NEFH: variants seen among roughly 807,000 people sequenced by gnomAD.
NEFH encodes neurofilament heavy polypeptide.
A neutral mutation model predicts 56.6 loss-of-function variants in NEFH; 58 were observed. The ratio of observed to expected loss-of-function variants is 1.03; its 90% CI spans 0.83 to 1.28. NEFH has a LOEUF of 1.28. Ranked by LOEUF, NEFH falls within the 50% of genes most tolerant of loss-of-function variation. The probability of loss-of-function intolerance (pLI) is 0.00; values close to 1 mark genes in which losing one functional copy is unlikely to be tolerated. For missense variants in NEFH, 1,221 were observed against 1,307.6 expected (o/e 0.93, Z 1.02); for synonymous variants, 542 against 545.8 (o/e 0.99, Z 0.10).
chr22:29,488,825 T>C (rs770018275), intron 3 of NEFH, 24 bp from the exon 4 acceptor site: 82 of 1,613,048 alleles, frequency 5.1e-5, no homozygotes, highest in East Asian at 1.6e-4. Flanking sequence ...TTTATACTAA[T>C]GTGTTCCGTG....
Position 29,480,951 on chromosome 22 carries a change from T to C in NEFH, c.689T>C (p.Leu230Pro), listed in dbSNP as rs1246436058. The stretch of plus-strand genomic sequence containing the variant: ...GCGCTGCAGGAGGAGTGCGGCTACC[T>C]GCGGCGCCACCACCAGGAAGAGGTG... Reference protein sequence around the residue: ...AQALQEECGYLRRHHQEEVGE... With the variant: ...AQALQEECGYPRRHHQEEVGE... Residue 230 changes from leucine (L) to proline (P), a missense_variant, in exon 1 of 4, where the codon CTG (leucine) becomes CCG (proline). Physicochemically the swap from Leu to Pro is moderately conservative, Grantham distance 98. Transcript: ENST00000310624. 3 of 1,529,854 alleles carry C rather than the reference T, an allele frequency of 2.0e-6. No individual in the cohort carries two copies. The highest frequency in any genetic ancestry group is 1.2e-5 in the South Asian group (1 of 83,710). 94.8% of individuals were successfully genotyped at this position (1,529,854 alleles called of 1,614,324 possible). A position where few individuals can be genotyped will look rare whatever the true frequency, so the allele number is the denominator to read the frequency against.
Position 29,481,007 on chromosome 22 carries a change from G to A in NEFH, c.745G>A (p.Gly249Ser), listed in dbSNP as rs60825978. Residue 249 changes from glycine (G) to serine (S), a missense_variant, in exon 1 of 4, where the codon GGC becomes AGC. By Grantham distance (56) the Gly-to-Ser change is moderately conservative. This residue lies in a region of NEFH where 640 missense variants were observed against 555.5 expected (regional missense o/e 1.15). Transcript: ENST00000310624. ...GCTGCTCGGCCAGATCCAGGGCTCC[G>A]GCGCCGCGCAGGCGCAGATGCAGGC... ...GELLGQIQGS[G>S]AAQAQMQAET... 10,390 of 1,531,684 alleles carry A rather than the reference G, an allele frequency of 6.8e-3. 124 individuals carry two copies. The highest frequency in any genetic ancestry group is 0.042 in the Middle Eastern group (205 of 4,936). 94.9% of individuals were successfully genotyped at this position (1,531,684 alleles called of 1,614,324 possible). A position where few individuals can be genotyped will look rare whatever the true frequency, so the allele number is the denominator to read the frequency against.
intron 2 of NEFH, among the ~76,000 whole-genome samples, chr22:29,484,648 T>C (rs1057510221): frequency 6.6e-6 from 1 of 152,034 alleles, no homozygotes; most frequent in Non-Finnish European, 1.5e-5. Flanking sequence ...AGCGAGACTC[T>C]GTCTCAAGAA....
Position 29,489,762 on chromosome 22 carries a change from G to T in NEFH, c.2122G>T (p.Ala708Ser), listed in dbSNP as rs749332478. ...GGAAGAAGCAAAGTCCCCTGAGAAGGCCAAGTCCCCAGTGAAGGAAGAAGC... is the reference window on the plus strand; with the variant it reads ...GGAAGAAGCAAAGTCCCCTGAGAAGTCCAAGTCCCCAGTGAAGGAAGAAGC... Reference protein sequence around the residue: ...VKEEAKSPEKAKSPVKEEAKS... With the variant: ...VKEEAKSPEKSKSPVKEEAKS... The change falls in exon 4 of 4, where the codon GCC becomes TCC. Residue 708 changes from alanine to serine, a missense_variant. This residue lies in a region of NEFH where 37 missense variants were observed against 106.4 expected (regional missense o/e 0.35). Coordinates refer to ENST00000310624, the MANE Select transcript of NEFH (RefSeq NM_021076.4). 6.2e-6 allele frequency: 10 copies of T among 1,611,642 alleles called. No individual in the cohort carries two copies. Among genetic ancestry groups the T allele is most frequent in the Non-Finnish European group, 8.5e-6 (10 of 1,179,390 alleles).
chr22:29,482,098 C>T (rs909230645), intron 1 of NEFH, among the ~76,000 whole-genome samples: 1 of 152,208 alleles, frequency 6.6e-6, no homozygotes, highest in African/African-American at 2.4e-5. Flanking sequence ...AGTTGAGAAT[C>T]TCCAACCACC....
Position 29,480,315 on chromosome 22 carries a change from T to G in NEFH, c.53T>G (p.Leu18Arg), listed in dbSNP as rs1477573055. Residue 18 changes from leucine (L) to arginine (R), a missense_variant, in exon 1 of 4, where the codon CTG becomes CGG. Around this residue, in one of 4 missense-constraint regions of NEFH, gnomAD observed 640 missense variants for 555.5 expected, o/e 1.15. Coordinates refer to ENST00000310624, the MANE Select transcript of NEFH (RefSeq NM_021076.4). ...DALLGAPFAP[L>R]HGGGSLHYAL... Reference sequence around the variant, plus strand: ...CTGCTGGGCGCCCCGTTCGCGCCGCTGCATGGCGGCGGCAGCCTCCACTAC... The same window carrying G: ...CTGCTGGGCGCCCCGTTCGCGCCGCGGCATGGCGGCGGCAGCCTCCACTAC... 1 of 1,508,038 alleles carries G rather than the reference T, an allele frequency of 6.6e-7. No individual in the cohort carries two copies. The highest frequency in any genetic ancestry group is 1.4e-5 in the African/African-American group (1 of 69,300). 93.4% of individuals were successfully genotyped at this position (1,508,038 alleles called of 1,614,324 possible).
Position 29,488,828 on chromosome 22 carries a change from G to A in NEFH, c.1209-21G>A, listed in dbSNP as rs201134753. ...ATTTGCCCTGAGTTTATACTAATGT[G>A]TTCCGTGATCCATCCTGCAGAAAAC... On this transcript the variant is annotated intron_variant, in intron 3 of 3. Transcript: ENST00000310624. 1.5e-4 allele frequency: 237 copies of A among 1,613,628 alleles called. No homozygotes were observed. The African/African-American group carries it at 2.8e-3, about 19-fold the overall frequency.
At chr22:29,488,811 T>G in intron 3 of NEFH, 38 bp from the exon 4 acceptor site, 1 of 1,606,286 alleles carries the variant, frequency 6.2e-7, no homozygotes, top group Non-Finnish European at 8.5e-7. Flanking sequence ...GAATTTGCCC[T>G]GAGTTTATAC....
At position 29,480,793 on chromosome 22, in the gene NEFH, C is replaced by T; in HGVS notation, c.531C>T (p.Asp177=). 1 of 1,418,510 alleles carries T rather than the reference C, an allele frequency of 7.0e-7. No individual in the cohort carries two copies. The highest frequency in any genetic ancestry group is 9.1e-7 in the Non-Finnish European group (1 of 1,097,176). 87.9% of individuals were successfully genotyped at this position (1,418,510 alleles called of 1,614,324 possible). Residue 177 remains aspartate (D), a synonymous_variant, in exon 1 of 4, where the codon GAC becomes GAT. Transcript: ENST00000310624. ...LRLEQEHLLE[D]IAHVRQRLDD... is the part of the protein sequence containing the mutation. Reference sequence around the variant, plus strand: ...TGGAGCAGGAGCACCTGCTCGAGGACATCGCGCACGTGCGCCAGCGCCTAG... The same window carrying T: ...TGGAGCAGGAGCACCTGCTCGAGGATATCGCGCACGTGCGCCAGCGCCTAG...
intron 3 of NEFH, among the ~76,000 whole-genome samples, chr22:29,486,986 G>A (rs2063048507): frequency 6.6e-6 from 1 of 152,158 alleles, no homozygotes; most frequent in Non-Finnish European, 1.5e-5. Context: ...TCTTAGCTCT[G>A]CAAGCATTCA....
At position 29,489,052 on chromosome 22, in the gene NEFH, C is replaced by T. The variant is rs1439315825; in HGVS notation, c.1412C>T (p.Thr471Ile). The change falls in exon 4 of 4, where the codon ACT becomes ATT. Residue 471 changes from threonine (T) to isoleucine (I), a missense_variant. Physicochemically the swap from Thr to Ile is moderately conservative, Grantham distance 89 (BLOSUM62 -1). Coordinates refer to ENST00000310624, the MANE Select transcript of NEFH (RefSeq NM_021076.4). ...GAGACCCAAGTGACTGAAGAAGTGA[C>T]TGAAGAAGAGGAGAAAGAGGCCAAA... ...TEETQVTEEV[T>I]EEEEKEAKEE... 1.9e-6 allele frequency: 3 copies of T among 1,613,656 alleles called. No individual in the cohort carries two copies. Among genetic ancestry groups the T allele is most frequent in the Admixed American group, 3.3e-5 (2 of 59,948 alleles).
chr22:29,483,232 G>A, intron 1 of NEFH, 143 bp from the exon 2 acceptor site: 2 of 744,982 alleles, frequency 2.7e-6, no homozygotes, highest in South Asian at 1.7e-5. Context: ...CGAGCTGAGA[G>A]TGCACCACTG....
In NEFH at chr22:29,481,138, G is replaced by A. The variant is rs1296342371; in HGVS notation, c.876G>A (p.Trp292Ter). Residue 292 changes from tryptophan (W) to a stop codon, truncating the protein, a stop_gained, in exon 1 of 4, where the codon TGG becomes TGA. Transcript: ENST00000310624. LOFTEE classifies it high-confidence loss of function. ...AGAGCACGCTGCAGTCCGAGGAGTG[G>A]TTCCGAGGTACGCAGGCGCGCGGGT... is the stretch of plus-strand genomic sequence containing the variant. ...AVQSTLQSEE[W>*]FRVRLDRLSE... The A allele has an allele frequency of 6.5e-7, 1 of 1,531,946 alleles. No individual in the cohort carries two copies. Among genetic ancestry groups the A allele is most frequent in the Non-Finnish European group, 8.7e-7 (1 of 1,145,824 alleles). 94.9% of individuals were successfully genotyped at this position (1,531,946 alleles called of 1,614,324 possible). A position where few individuals can be genotyped will look rare whatever the true frequency, so the allele number is the denominator to read the frequency against.
Position 29,490,672 on chromosome 22 carries a change from C to G in NEFH, c.3032C>G (p.Ala1011Gly). Reference sequence around the variant, plus strand: ...AAAGACAGCAAGCCTCCAGAGAAGGCCACAGAAGACAAGGCCGCCAAGGGG... The same window carrying G: ...AAAGACAGCAAGCCTCCAGAGAAGGGCACAGAAGACAAGGCCGCCAAGGGG... ...DQKDSKPPEK[A>G]TEDKAAKGK Residue 1011 changes from alanine (A) to glycine (G), a missense_variant, in exon 4 of 4, where the codon GCC becomes GGC. Ala to Gly is a moderately conservative substitution (Grantham distance 60). Around this residue, in one of 4 missense-constraint regions of NEFH, gnomAD observed 301 missense variants for 346.6 expected, o/e 0.87. Coordinates refer to ENST00000310624, the MANE Select transcript of NEFH (RefSeq NM_021076.4). 6.2e-7 allele frequency: 1 copy of G among 1,614,116 alleles called. No individual in the cohort carries two copies. Among genetic ancestry groups the G allele is most frequent in the East Asian group, 2.2e-5 (1 of 44,880 alleles).
rs757378507 is a variant in NEFH, at chr22:29,489,087, G to A, written c.1447G>A (p.Gly483Ser). The A allele has an allele frequency of 1.2e-6, 2 of 1,612,108 alleles. No homozygotes were observed. Among genetic ancestry groups the A allele is most frequent in the Non-Finnish European group, 1.7e-6 (2 of 1,178,440 alleles). The change falls in exon 4 of 4, where the codon GGC (glycine) becomes AGC (serine). Residue 483 changes from glycine (G) to serine (S), a missense_variant. By Grantham distance (56) the Gly-to-Ser change is moderately conservative. Transcript: ENST00000310624. Reference protein sequence around the residue: ...EEEKEAKEEEGKEEEGGEEEE... With the variant: ...EEEKEAKEEESKEEEGGEEEE... Reference sequence around the variant, plus strand: ...GGAGAAAGAGGCCAAAGAGGAGGAGGGCAAGGAGGAAGAAGGGGGTGAAGA... The same window carrying A: ...GGAGAAAGAGGCCAAAGAGGAGGAGAGCAAGGAGGAAGAAGGGGGTGAAGA...
chr22:29,480,898 G>T lies in NEFH; in HGVS notation c.636G>T (p.Ala212=), dbSNP rs760202440. The change falls in exon 1 of 4, where the codon GCG becomes GCT. Residue 212 remains alanine, a synonymous_variant. Transcript: ENST00000310624. Reference sequence around the variant, plus strand: ...GCTTCGCGCAGGAGGCCGAGGCGGCGCGCGTGGACCTGCAGAAGAAGGCGC... The same window carrying T: ...GCTTCGCGCAGGAGGCCGAGGCGGCTCGCGTGGACCTGCAGAAGAAGGCGC... The part of the protein sequence containing the change: ...LARFAQEAEA[A]RVDLQKKAQA... The T allele has an allele frequency of 6.8e-6, 10 of 1,465,092 alleles. No individual in the cohort carries two copies. The highest frequency in any genetic ancestry group is 7.1e-6 in the Non-Finnish European group (8 of 1,119,896). 90.8% of individuals were successfully genotyped at this position (1,465,092 alleles called of 1,614,324 possible).
rs1160961392 is a variant in NEFH at position 29,483,591 on chromosome 22, C to G, written c.1083+17C>G. ...TCCTACCAGGTGGGCAGGGGCAAGG[C>G]AGACAGCCAGACTGCCTTACCTGAT... On this transcript the variant is annotated intron_variant, in intron 2 of 3. Coordinates refer to ENST00000310624, the MANE Select transcript of NEFH (RefSeq NM_021076.4). The G allele has an allele frequency of 4.3e-6, 7 of 1,612,150 alleles. No individual in the cohort carries two copies. Among genetic ancestry groups the G allele is most frequent in the Non-Finnish European group, 5.9e-6 (7 of 1,179,402 alleles).
Position 29,485,778 on chromosome 22 carries a change from C to T in NEFH, c.1139C>T (p.Ala380Val). Reference sequence around the variant, plus strand: ...AGGAACACCAAGTGGGAGATGGCCGCCCAGCTGCGAGAATACCAGGACCTG... The same window carrying T: ...AGGAACACCAAGTGGGAGATGGCCGTCCAGCTGCGAGAATACCAGGACCTG... ...ELRNTKWEMA[A>V]QLREYQDLLN... The change falls in exon 3 of 4, where the codon GCC (alanine) becomes GTC (valine). Residue 380 changes from alanine (A) to valine (V), a missense_variant. Transcript: ENST00000310624. The T allele has an allele frequency of 6.2e-7, 1 of 1,614,206 alleles. No homozygotes were observed. Among genetic ancestry groups the T allele is most frequent in the East Asian group, 2.2e-5 (1 of 44,886 alleles).
intron 3 of NEFH, 143 bp from the exon 4 acceptor site, chr22:29,488,706 C>G: frequency 2.5e-6 from 2 of 800,792 alleles, no homozygotes; most frequent in Non-Finnish European, 2.1e-6. Context: ...TTTCTCTAGT[C>G]TCATAATGCC....
Sources: allele counts gnomAD v4.1 joint callset (sites outside exome capture counted in the v4.1 genomes callset), GRCh38; gene constraint gnomAD v4.1.1; regional missense constraint gnomAD v4.1.1; transcripts MANE v1.5; gene names NCBI Gene and HGNC (gene_info 2026-07-23, HGNC 2026-07-21).